The following IFT122 variants were observed in gnomAD, a reference collection of about 807,000 sequenced individuals.
IFT122 encodes intraflagellar transport protein 122 homolog.
Under a neutral mutation model 161.6 loss-of-function variants are expected in IFT122, and 118 were observed. That is an observed-to-expected ratio of 0.73 (90% confidence interval 0.63 to 0.85). IFT122 has a LOEUF of 0.85. Ranked by LOEUF, IFT122 falls within the 40% of genes least tolerant of loss-of-function variation. IFT122 has a pLI of 0.00. For synonymous variants in IFT122, 550 were observed against 602.4 expected (o/e 0.91, Z 1.27); for missense variants, 1,381 against 1,579.6 (o/e 0.87, Z 2.13).
Position 129,451,489 on chromosome 3 carries a change from G to A in IFT122, c.109-425G>A, listed in dbSNP as rs569819977. Among the ~76,000 whole-genome samples the A allele has an allele frequency of 1.0e-3, 155 of 152,168 alleles. 2 individuals carry two copies. Among genetic ancestry groups the A allele is most frequent in the African/African-American group, 3.5e-3 (147 of 41,510 alleles). On this transcript the variant is annotated intron_variant, in intron 2 of 29. Transcript: ENST00000348417. ...AGAGTTCTGTGACTTTCAAATTCTTGGTAGCAAATATGAAACATCTATTAT... is the reference window on the plus strand; with the variant it reads ...AGAGTTCTGTGACTTTCAAATTCTTAGTAGCAAATATGAAACATCTATTAT...
intron 20 of IFT122, 188 bp from the exon 21 acceptor site, chr3:129,504,131 G>A: frequency 7.5e-6 from 4 of 534,194 alleles, no homozygotes; most frequent in Non-Finnish European, 3.4e-6. Context: ...GCTGTTAATT[G>A]CCTTTTGTTT....
intron 16 of IFT122, among the ~76,000 whole-genome samples, chr3:129,491,145 A>T (rs1218424449): frequency 6.6e-6 from 1 of 152,128 alleles, no homozygotes; most frequent in African/African-American, 2.4e-5. Flanking sequence ...TGGGATGAAA[A>T]GATAAAGTTG....
At chr3:129,475,038 C>T (rs2077752171) in intron 9 of IFT122, among the ~76,000 whole-genome samples, 1 of 152,016 alleles carries the variant, frequency 6.6e-6, no homozygotes, top group South Asian at 2.1e-4. Context: ...GCCTCTAGTC[C>T]CAGCTACTGG....
At position 129,512,677 on chromosome 3, in the gene IFT122, C is replaced by T. The variant is rs898941330; in HGVS notation, c.2987+265C>T. The T allele has an allele frequency of 6.2e-5, 33 of 528,070 alleles. 1 individual carries two copies. Among genetic ancestry groups the T allele is most frequent in the Middle Eastern group, 8.7e-4 (2 of 2,288 alleles). 32.7% of individuals were successfully genotyped at this position (528,070 alleles called of 1,614,324 possible). A position where few individuals can be genotyped will look rare whatever the true frequency, so the allele number is the denominator to read the frequency against. ...TGGCCAACACACTGTCCCAATCCCT[C>T]CTAGAACCCACAGATGAGGGTGTGA... On this transcript the variant is annotated intron_variant, in intron 24 of 29. Coordinates refer to ENST00000348417, the MANE Select transcript of IFT122 (RefSeq NM_052989.3).
chr3:129,507,637 C>T (rs373997067), intron 22 of IFT122, 31 bp from the exon 23 acceptor site: 118 of 1,578,364 alleles, frequency 7.5e-5, no homozygotes, highest in Middle Eastern at 6.7e-4. Context: ...CTGTTTGACA[C>T]GTTTCCCCTC....
rs2077529837 is a variant in IFT122 at position 129,473,051 on chromosome 3, AG to A, written c.817-3263del. Among the ~76,000 whole-genome samples the A allele has an allele frequency of 2.0e-5, 3 of 152,298 alleles. No individual in the cohort carries two copies. In the South Asian group the frequency reaches 6.2e-4, roughly 32 times the overall value. The stretch of plus-strand genomic sequence containing the variant: ...CATGGTGGCTCATGCCTGTAATCTT[AG>A]TACTTCTGGAGGCCAAGGAGGGACG... On this transcript the variant is annotated intron_variant, in intron 9 of 29. Transcript: ENST00000348417.
At chr3:129,509,302 A>G (rs184726139) in intron 23 of IFT122, among the ~76,000 whole-genome samples, 2 of 151,858 alleles carry the variant, frequency 1.3e-5, no homozygotes, top group East Asian at 3.9e-4. Context: ...AGAATGGTTG[A>G]CATTGAGTTC....
Position 129,502,737 on chromosome 3 carries a change from A to C in IFT122, c.2402A>C (p.Asp801Ala). The C allele has an allele frequency of 6.2e-7, 1 of 1,610,030 alleles. No individual in the cohort carries two copies. The change falls in exon 20 of 30, where the codon GAC (aspartate) becomes GCC (alanine). Residue 801 changes from aspartate (D) to alanine (A), a missense_variant. Coordinates refer to ENST00000348417, the MANE Select transcript of IFT122 (RefSeq NM_052989.3). Reference sequence around the variant, plus strand: ...TTGATCGACATCGCCCGCAAACTGGACAAGGCTGAGCGCGAGCCCCTGCTG... The same window carrying C: ...TTGATCGACATCGCCCGCAAACTGGCCAAGGCTGAGCGCGAGCCCCTGCTG... Reference protein sequence around the residue: ...DMLIDIARKLDKAEREPLLLC... With the variant: ...DMLIDIARKLAKAEREPLLLC...
chr3:129,495,783 A>G (rs959510213), intron 18 of IFT122, among the ~76,000 whole-genome samples, 176 bp downstream of exon 18: 48 of 152,168 alleles, frequency 3.2e-4, no homozygotes, highest in African/African-American at 1.2e-3. Flanking sequence ...GTTGAAACTC[A>G]CCTAAAACTG....
At chr3:129,516,369 GCA>G (rs1160474023) in intron 26 of IFT122, among the ~76,000 whole-genome samples, 55 of 99,176 alleles carry the variant, frequency 5.5e-4, no homozygotes, top group Non-Finnish European at 5.8e-4. Flanking sequence ...GACTGCCCCT[GCA>G]CACACACACA....
At chr3:129,442,097 G>GA (rs547902125) in intron 1 of IFT122, among the ~76,000 whole-genome samples, 8 of 149,104 alleles carry the variant, frequency 5.4e-5, no homozygotes, top group South Asian at 2.1e-4. Flanking sequence ...CATCCACTCT[G>GA]AAAAAAAAAC....
chr3:129,512,438 G>A (rs551553920), intron 24 of IFT122, 26 bp downstream of exon 24: 10 of 1,468,372 alleles, frequency 6.8e-6, no homozygotes, highest in East Asian at 6.8e-5. Context: ...TCCCTCCTCC[G>A]TCCCACCACC....
intron 18 of IFT122, among the ~76,000 whole-genome samples, 178 bp from the exon 19 acceptor site, chr3:129,499,724 A>G (rs962158207): frequency 6.6e-6 from 1 of 152,126 alleles, no homozygotes; most frequent in African/African-American, 2.4e-5. Context: ...GCAGCCTGAG[A>G]TCACTCTTCC....
intron 1 of IFT122, 100 bp downstream of exon 1, chr3:129,440,471 CTGG>C: frequency 7.0e-7 from 1 of 1,421,496 alleles, no homozygotes; most frequent in Non-Finnish European, 9.7e-7. Flanking sequence ...GGCTTGCTGC[CTGG>C]GCCGAGGGCA....
intron 6 of IFT122, among the ~76,000 whole-genome samples, chr3:129,463,854 G>A (rs944959080): frequency 6.6e-6 from 1 of 152,208 alleles, no homozygotes; most frequent in Admixed American, 6.5e-5. Flanking sequence ...TTAGCAACAA[G>A]CCTCAACATC....
chr3:129,489,761 C>T (rs113669277), intron 16 of IFT122, among the ~76,000 whole-genome samples: 5,701 of 151,322 alleles, frequency 0.038, 320 homozygotes, highest in African/African-American at 0.11. Context: ...ATGGCGTGAA[C>T]CTGGGAGGCG....
At chr3:129,512,153 C>T (rs2082910179) in intron 23 of IFT122, among the ~76,000 whole-genome samples, 159 bp from the exon 24 acceptor site, 2 of 152,200 alleles carry the variant, frequency 1.3e-5, no homozygotes, top group Non-Finnish European at 2.9e-5. Flanking sequence ...CCAGATGAGA[C>T]AGTGGCTATA....
chr3:129,465,164 G>T (rs1241868516), intron 7 of IFT122, among the ~76,000 whole-genome samples: 6 of 149,854 alleles, frequency 4.0e-5, no homozygotes, highest in African/African-American at 1.5e-4. Flanking sequence ...TGTGTGTGGT[G>T]TGTGAGTGAT....
At chr3:129,516,207 GAGACTGCCTCTGCACACACACAC>G (rs2083532042) in intron 26 of IFT122, among the ~76,000 whole-genome samples, 1 of 116,364 alleles carries the variant, frequency 8.6e-6, no homozygotes, top group African/African-American at 3.5e-5. Flanking sequence ...CACACACACG[GAGACTGCCTCTGCACACACACAC>G]AGACTGCCCC....
Sources: allele counts gnomAD v4.1 joint callset (sites outside exome capture counted in the v4.1 genomes callset), GRCh38; gene constraint gnomAD v4.1.1; transcripts MANE v1.5; gene names NCBI Gene and HGNC (gene_info 2026-07-23, HGNC 2026-07-21).